Variants in SGSM1 observed in about 807,000 individuals in gnomAD.
SGSM1 encodes RUN and TBC1 domain containing 2.
SGSM1 carries 73 observed loss-of-function variants against 133.8 expected under a neutral mutation model. That is an observed-to-expected ratio of 0.55 (90% confidence interval 0.45 to 0.66). The LOEUF is 0.66. Ranked by LOEUF, SGSM1 falls within the 30% of genes least tolerant of loss-of-function variation. The pLI, the probability that SGSM1 is intolerant of heterozygous loss-of-function variation, is 0.00. For synonymous variants in SGSM1, 563 were observed against 573.0 expected, an observed-to-expected ratio of 0.98 and a Z score of 0.25; for missense variants, 1,213 against 1,448.1, an observed-to-expected ratio of 0.84 and a Z score of 2.64.
rs778373229 is a variant in SGSM1 at position 24,855,376 on chromosome 22, C to T, written c.615C>T (p.Arg205=). ...CTGACGAACTTGTCCAGAGGCACCG[C>T]ATCCACAGCTCCCACGTGCGGCAGG... ...PSADELVQRH[R]IHSSHVRQDS... is the part of the protein sequence containing the mutation. The change falls in exon 7 of 25, where the codon CGC becomes CGT. Residue 205 remains arginine (R), a synonymous_variant. Transcript: ENST00000400358. 1 of 1,613,676 alleles carries T rather than the reference C, an allele frequency of 6.2e-7. No homozygotes were observed. The highest frequency in any genetic ancestry group is 2.2e-5 in the East Asian group (1 of 44,844).
At chr22:24,868,349 G>A in intron 10 of SGSM1, 27 bp from the exon 11 acceptor site, 1 of 1,597,538 alleles carries the variant, frequency 6.3e-7, no homozygotes, top group South Asian at 1.1e-5. Context: ...CTTCCACTGG[G>A]TCTTCTCTGG....
chr22:24,868,079 A>G (rs1234781281), intron 10 of SGSM1, among the ~76,000 whole-genome samples: 1 of 152,130 alleles, frequency 6.6e-6, no homozygotes, highest in African/African-American at 2.4e-5. Context: ...AGGATTCCTG[A>G]GGAGCGTAGG....
chr22:24,909,111 C>A (rs1376136296), intron 21 of SGSM1, among the ~76,000 whole-genome samples: 1 of 152,072 alleles, frequency 6.6e-6, no homozygotes, highest in Non-Finnish European at 1.5e-5. Context: ...TGTGAGGGGT[C>A]TAGGTTGTGC....
chr22:24,865,417 C>T (rs1042582966), intron 9 of SGSM1, among the ~76,000 whole-genome samples: 2 of 152,244 alleles, frequency 1.3e-5, no homozygotes, highest in South Asian at 2.1e-4. Flanking sequence ...CATTTACTTC[C>T]GTGAAGTCTG....
chr22:24,807,888 C>CGTGTGTGTGT (rs71189301), intron 2 of SGSM1, among the ~76,000 whole-genome samples: 10 of 147,666 alleles, frequency 6.8e-5, no homozygotes, highest in East Asian at 2.0e-4. Context: ...TATGTGCCTG[C>CGTGTGTGTGT]GTGTGTGTGT....
intron 2 of SGSM1, among the ~76,000 whole-genome samples, chr22:24,811,959 A>G (rs1430942077): frequency 6.6e-6 from 1 of 151,832 alleles, no homozygotes; most frequent in Non-Finnish European, 1.5e-5. Context: ...ACTTGAGGTC[A>G]GGAGTTGAAG....
chr22:24,913,307 AAAAG>A (rs1555938959), intron 22 of SGSM1, among the ~76,000 whole-genome samples: 310 of 142,646 alleles, frequency 2.2e-3, no homozygotes, highest in Non-Finnish European at 3.9e-3. Flanking sequence ...AAAAAAAAAA[AAAAG>A]AAAGAAAAAA....
rs916241920 is a variant in SGSM1, at chr22:24,920,056, C to A, written c.3193+63C>A. On this transcript the variant is annotated intron_variant, in intron 24 of 24. Transcript: ENST00000400358. ...GCTTCTGGAGGCCCCTTTTGGGCAT[C>A]TCAGGAGGAATGAAGATGGGCTGAG... 1.4e-5 allele frequency: 22 copies of A among 1,518,774 alleles called. 1 individual carries two copies. Among genetic ancestry groups the A allele is most frequent in the Admixed American group, 1.0e-4 (5 of 49,366 alleles). 94.1% of individuals were successfully genotyped at this position (1,518,774 alleles called of 1,614,324 possible). A position where few individuals can be genotyped will look rare whatever the true frequency, so the allele number is the denominator to read the frequency against.
intron 23 of SGSM1, among the ~76,000 whole-genome samples, chr22:24,918,445 G>A (rs1933897020): frequency 6.7e-6 from 1 of 148,950 alleles, no homozygotes; most frequent in Non-Finnish European, 1.5e-5. Flanking sequence ...GCAGTGAGCC[G>A]AGATAACACC....
At position 24,898,211 on chromosome 22, in the gene SGSM1, C is replaced by T. The variant is rs1932977507; in HGVS notation, c.2262C>T (p.Gly754=). Residue 754 remains glycine (G), a synonymous_variant, in exon 19 of 25, where the codon GGC becomes GGT. Transcript: ENST00000400358. ...CCACGGTGCTGCGACCTAGGGATGGCAGCGTGGATGACAGGCAGAGCAGCG... is the reference window on the plus strand; with the variant it reads ...CCACGGTGCTGCGACCTAGGGATGGTAGCGTGGATGACAGGCAGAGCAGCG... ...NTPTVLRPRD[G]SVDDRQSSEA... is the part of the protein sequence containing the mutation. 1.2e-6 allele frequency: 2 copies of T among 1,613,448 alleles called. No individual in the cohort carries two copies. The highest frequency in any genetic ancestry group is 1.3e-5 in the African/African-American group (1 of 74,914).
At chr22:24,828,764 CAT>C (rs1400333723) in intron 2 of SGSM1, among the ~76,000 whole-genome samples, 1 of 152,234 alleles carries the variant, frequency 6.6e-6, no homozygotes, top group African/African-American at 2.4e-5. Flanking sequence ...GTTATAAAGA[CAT>C]ATGCACGCCA....
intron 23 of SGSM1, among the ~76,000 whole-genome samples, chr22:24,918,305 C>T (rs1467382540): frequency 6.6e-6 from 1 of 151,820 alleles, no homozygotes; most frequent in Admixed American, 6.6e-5. Flanking sequence ...GAGATTGAGA[C>T]CTAACATGGT....
chr22:24,863,637 G>A (rs1186645053), intron 9 of SGSM1, among the ~76,000 whole-genome samples: 1 of 152,198 alleles, frequency 6.6e-6, no homozygotes, highest in Non-Finnish European at 1.5e-5. Flanking sequence ...TGGTGTGTCG[G>A]GAAGGGGTTT....
intron 4 of SGSM1, among the ~76,000 whole-genome samples, chr22:24,848,026 G>A (rs904600324): frequency 2.6e-5 from 4 of 151,590 alleles, no homozygotes; most frequent in East Asian, 1.9e-4. Flanking sequence ...CAGACCTATC[G>A]TTATCTCAGA....
intron 14 of SGSM1, among the ~76,000 whole-genome samples, chr22:24,882,127 C>T (rs919928484): frequency 1.3e-4 from 19 of 151,994 alleles, no homozygotes; most frequent in African/African-American, 1.9e-4. Flanking sequence ...CCCGGCTAGA[C>T]GCAATTATGG....
At chr22:24,831,626 C>T (rs1929124618) in intron 2 of SGSM1, among the ~76,000 whole-genome samples, 1 of 152,206 alleles carries the variant, frequency 6.6e-6, no homozygotes, top group Non-Finnish European at 1.5e-5. Context: ...CCTTTCTTCC[C>T]ATCCTTGGTT....
chr22:24,890,450 CAG>C (rs1326443188), intron 16 of SGSM1, among the ~76,000 whole-genome samples: 1 of 152,196 alleles, frequency 6.6e-6, no homozygotes, highest in Non-Finnish European at 1.5e-5. Flanking sequence ...CTGTCAAAAC[CAG>C]AGTGTTAACA....
rs9624620 is a variant in SGSM1 at position 24,830,606 on chromosome 22, A to G, written c.64-14291A>G. Among the ~76,000 whole-genome samples, 154 of 150,324 alleles carry G rather than the reference A, an allele frequency of 1.0e-3. 1 individual carries two copies. The highest frequency in any genetic ancestry group is 3.7e-3 in the African/African-American group (151 of 41,360). ...GGATGCTGGGAGTCCACAAGGAAGG[A>G]TGTAGTGCCCTGTGGCTGTTAACAT... On this transcript the variant is annotated intron_variant, in intron 2 of 24. Coordinates refer to ENST00000400358, the MANE Select transcript of SGSM1 (RefSeq NM_001098497.3).
intron 21 of SGSM1, among the ~76,000 whole-genome samples, chr22:24,912,146 A>G (rs1933650514): frequency 6.6e-6 from 1 of 152,148 alleles, no homozygotes; most frequent in East Asian, 1.9e-4. Flanking sequence ...GCTTAAGGGA[A>G]CATAACCAAT....
Sources: gnomAD v4.1 joint callset for allele counts (sites outside exome capture counted in the v4.1 genomes callset) on GRCh38, gnomAD v4.1.1 for gene constraint, MANE v1.5 for transcripts, NCBI Gene and HGNC (gene_info 2026-07-23, HGNC 2026-07-21) for gene names.